The following PPP1R42 variants were observed in gnomAD, a reference collection of about 807,000 sequenced individuals.
PPP1R42 encodes the protein protein phosphatase 1 regulatory subunit 42, also known as leucine rich repeat containing 67.
In PPP1R42, 34 loss-of-function variants were observed where a neutral mutation model predicts 31.0. The observed-to-expected ratio is 1.10, with a 90% confidence interval of 0.83 to 1.46. The LOEUF (loss-of-function observed/expected upper bound fraction) is 1.46, where lower values mean the gene tolerates loss of function less well. Ranked by LOEUF, PPP1R42 falls within the 40% of genes most tolerant of loss-of-function variation. The pLI, the probability that PPP1R42 is intolerant of heterozygous loss-of-function variation, is 0.00. For synonymous variants in PPP1R42, 103 were observed against 109.8 expected (o/e 0.94, Z 0.39); for missense variants, 268 against 303.0 (o/e 0.88, Z 0.86).
intron 5 of PPP1R42, among the ~76,000 whole-genome samples, chr8:66,993,684 T>C (rs1057366763): frequency 6.6e-6 from 1 of 152,164 alleles, no homozygotes; most frequent in African/African-American, 2.4e-5. Context: ...TTTATATTTG[T>C]TTTGGGATGA....
chr8:66,984,976 A>G (rs1814960207), intron 6 of PPP1R42: 1 of 1,554,080 alleles, frequency 6.4e-7, no homozygotes, highest in Non-Finnish European at 8.9e-7. Context: ...ATGTTCAACA[A>G]GATTTGTGAT....
intron 5 of PPP1R42, among the ~76,000 whole-genome samples, chr8:67,004,227 G>A (rs966143900): frequency 1.3e-5 from 2 of 152,218 alleles, no homozygotes; most frequent in African/African-American, 2.4e-5. Context: ...CATCCCCTCT[G>A]AATGCCGCAA....
At chr8:66,969,220 T>G (rs183717997) in intron 7 of PPP1R42, among the ~76,000 whole-genome samples, 45 of 152,292 alleles carry the variant, frequency 3.0e-4, no homozygotes, top group South Asian at 8.3e-4. Flanking sequence ...TGTATAGAAT[T>G]CATCAACATT....
chr8:67,028,537 TCG>T lies in PPP1R42; in HGVS notation c.-133_-132del. Reference sequence around the variant, plus strand: ...GCTAACTCCAGTTTGGTCGGTTTCATCGGCGCCGGGTCCCTACGCAGACCAGC... The same window carrying T: ...GCTAACTCCAGTTTGGTCGGTTTCATGCGCCGGGTCCCTACGCAGACCAGC... On this transcript the variant is annotated 5_prime_UTR_variant, in exon 1 of 8. Transcript: ENST00000685739. The T allele has an allele frequency of 1.0e-6, 1 of 985,532 alleles. No individual in the cohort carries two copies. The allele number at this position is 985,532 out of a possible 1,614,324, so 61.0% of individuals were successfully genotyped here. A position where few individuals can be genotyped will look rare whatever the true frequency, so the allele number is the denominator to read the frequency against.
At chr8:67,027,373 C>T (rs1472091692) in intron 1 of PPP1R42, among the ~76,000 whole-genome samples, 6 of 152,104 alleles carry the variant, frequency 3.9e-5, no homozygotes, top group Admixed American at 3.9e-4. Context: ...TGGAAAAGGA[C>T]AGAGGCAAAC....
At chr8:67,003,818 C>T (rs907483890) in intron 5 of PPP1R42, among the ~76,000 whole-genome samples, 2 of 152,054 alleles carry the variant, frequency 1.3e-5, no homozygotes, top group African/African-American at 4.8e-5. Context: ...GGGCTGGGTG[C>T]GGTGGCTCAC....
chr8:67,003,147 C>G (rs935978028), intron 5 of PPP1R42, among the ~76,000 whole-genome samples: 1 of 89,824 alleles, frequency 1.1e-5, no homozygotes, highest in African/African-American at 4.5e-5. Flanking sequence ...GCCTGGGCAA[C>G]AAGAGCGAAA....
chr8:66,984,443 C>G (rs535014939), intron 6 of PPP1R42: 1 of 1,287,252 alleles, frequency 7.8e-7, no homozygotes, highest in East Asian at 2.3e-5. Flanking sequence ...ACTACTACCA[C>G]GTTGACACCC....
At chr8:67,015,244 C>T (rs537838547) in intron 2 of PPP1R42, among the ~76,000 whole-genome samples, 129 of 152,106 alleles carry the variant, frequency 8.5e-4, no homozygotes, top group Middle Eastern at 3.4e-3. Context: ...GTCTCGAACT[C>T]CTGACCTCGT....
chr8:66,978,910 G>GTT (rs150915785), intron 7 of PPP1R42, among the ~76,000 whole-genome samples: 11 of 151,916 alleles, frequency 7.2e-5, no homozygotes, highest in Admixed American at 1.3e-4. Context: ...AAACTGGGTT[G>GTT]TTTTTTTGCT....
intron 6 of PPP1R42, chr8:66,986,008 C>T (rs528559589): frequency 1.2e-5 from 9 of 747,840 alleles, no homozygotes; most frequent in Admixed American, 3.5e-5. Context: ...CTAGAGCTTC[C>T]GCCTTCCTCC....
chr8:66,990,230 A>AT (rs1815150964), intron 5 of PPP1R42, among the ~76,000 whole-genome samples: 1 of 152,168 alleles, frequency 6.6e-6, no homozygotes, highest in Non-Finnish European at 1.5e-5. Context: ...TATGTATCAC[A>AT]TTTTTTACAG....
At chr8:66,978,492 C>T (rs999883269) in intron 7 of PPP1R42, among the ~76,000 whole-genome samples, 7 of 152,148 alleles carry the variant, frequency 4.6e-5, no homozygotes, top group African/African-American at 9.7e-5. Context: ...TGCAGTGGTG[C>T]GATCTCAGCT....
chr8:66,986,912 C>A (rs188532407), intron 6 of PPP1R42, among the ~76,000 whole-genome samples: 2 of 152,076 alleles, frequency 1.3e-5, no homozygotes, highest in Non-Finnish European at 2.9e-5. Flanking sequence ...GTTTGTAATC[C>A]CAGCACTTTG....
At chr8:67,016,337 C>G (rs1415709811) in intron 2 of PPP1R42, among the ~76,000 whole-genome samples, 1 of 152,194 alleles carries the variant, frequency 6.6e-6, no homozygotes, top group Admixed American at 6.5e-5. Flanking sequence ...TTTCTGCCCT[C>G]AGGTAGTTCC....
chr8:67,009,652 ACAACTAATT>A (rs1213457106), intron 5 of PPP1R42, among the ~76,000 whole-genome samples: 1 of 152,232 alleles, frequency 6.6e-6, no homozygotes, highest in East Asian at 1.9e-4. Context: ...GTAAGTTGAA[ACAACTAATT>A]GAGTTGTGCT....
chr8:67,014,545 A>G lies in PPP1R42; in HGVS notation c.177T>C (p.Asp59=), dbSNP rs2129536980. ...GGTTAGTGATTTGACTAATACAATT[A>G]TCATATAAATATAAAACACTAAGAT... is the stretch of plus-strand genomic sequence containing the variant. The part of the protein sequence containing the change: ...CKNLSVLYLY[D]NCISQITNLN... The change falls in exon 3 of 8, where the codon GAT becomes GAC. Residue 59 remains aspartate (D), a synonymous_variant. Transcript: ENST00000685739. 1 of 1,550,244 alleles carries G rather than the reference A, an allele frequency of 6.5e-7. No individual in the cohort carries two copies.
At chr8:66,991,705 C>A (rs1269098265) in intron 5 of PPP1R42, among the ~76,000 whole-genome samples, 2 of 152,192 alleles carry the variant, frequency 1.3e-5, no homozygotes, top group Admixed American at 6.5e-5. Flanking sequence ...CCAGCCTTTT[C>A]TTCCTGGGAT....
chr8:66,967,355 A>G (rs1392956957), intron 7 of PPP1R42, among the ~76,000 whole-genome samples: 4 of 152,206 alleles, frequency 2.6e-5, no homozygotes, highest in Non-Finnish European at 5.9e-5. Context: ...TGGTTCTTTG[A>G]GAACTGCAAA....
Sources: gnomAD v4.1 joint callset for allele counts (sites outside exome capture counted in the v4.1 genomes callset) on GRCh38, gnomAD v4.1.1 for gene constraint, MANE v1.5 for transcripts, NCBI Gene and HGNC (gene_info 2026-07-23, HGNC 2026-07-21) for gene names.